The following TKT variants were observed in gnomAD, a reference collection of about 807,000 sequenced individuals.
TKT encodes epididymis luminal protein 107.
Under a neutral mutation model 63.9 loss-of-function variants are expected in TKT, and 47 were observed. The ratio of observed to expected loss-of-function variants is 0.74; its 90% CI spans 0.58 to 0.94. TKT has a LOEUF of 0.94. Ranked by LOEUF, TKT falls within the 40% of genes least tolerant of loss-of-function variation. TKT has a pLI of 0.00. For missense variants in TKT, 721 were observed against 846.2 expected (o/e 0.85, Z 1.84); for synonymous variants, 338 against 334.1 (o/e 1.01, Z -0.13).
intron 4 of TKT, among the ~76,000 whole-genome samples, chr3:53,238,872 A>G (rs1228305531): frequency 6.6e-6 from 1 of 152,234 alleles, no homozygotes; most frequent in African/African-American, 2.4e-5. Flanking sequence ...ACAGCACATG[A>G]GCACTGAGCA....
intron 12 of TKT, chr3:53,227,325 G>A (rs1242688741): frequency 7.9e-5 from 13 of 163,738 alleles, no homozygotes; most frequent in Admixed American, 7.0e-4. Flanking sequence ...ACAAACCCAC[G>A]CTTGCCAGGC....
chr3:53,241,796 G>A (rs886374161), intron 2 of TKT: 17 of 345,652 alleles, frequency 4.9e-5, no homozygotes, highest in East Asian at 1.3e-4. Flanking sequence ...AACCCAGACC[G>A]AGATGCCAGT....
intron 1 of TKT, among the ~76,000 whole-genome samples, chr3:53,242,538 A>G (rs79987882): frequency 0.15 from 22,816 of 152,038 alleles, 1,899 homozygotes; most frequent in Non-Finnish European, 0.19. Flanking sequence ...GACTTGAGTA[A>G]GAAGGAAGGA....
chr3:53,225,847 C>G lies in TKT; in HGVS notation c.1781G>C (p.Arg594Thr). The change falls in exon 14 of 14, where the codon AGA becomes ACA. Residue 594 changes from arginine to threonine, a missense_variant. Transcript: ENST00000462138. The part of the protein sequence containing the change: ...VTHLAVNRVP[R>T]SGKPAELLKM... ...CAGCAGCTCAGCCGGCTTCCCACTTCTTGGTACCCGGTTAACTGCCAGGTG... is the reference window on the plus strand; with the variant it reads ...CAGCAGCTCAGCCGGCTTCCCACTTGTTGGTACCCGGTTAACTGCCAGGTG... 1 of 1,614,134 alleles carries G rather than the reference C, an allele frequency of 6.2e-7. No individual in the cohort carries two copies. Among genetic ancestry groups the G allele is most frequent in the Non-Finnish European group, 8.5e-7 (1 of 1,180,002 alleles).
rs900697301 is a variant in TKT at position 53,228,305 on chromosome 3, T to G, written c.1450A>C (p.Asn484His). The G allele has an allele frequency of 1.2e-5, 20 of 1,614,138 alleles. No individual in the cohort carries two copies. Among genetic ancestry groups the G allele is most frequent in the Non-Finnish European group, 1.7e-5 (20 of 1,179,996 alleles). Residue 484 changes from asparagine to histidine, a missense_variant, in exon 11 of 14, where the codon AAT (asparagine) becomes CAT (histidine). Asn to His is a moderately conservative substitution (Grantham distance 68). Transcript: ENST00000462138. ...RPENAIIYNN[N>H]EDFQVGQAKV... ...GCTTGTCCGACCTGGAAGTCCTCAT[T>G]GTTGTTATAGATGATGGCATTTTCT...
At position 53,225,788 on chromosome 3, in the gene TKT, G is replaced by C. The variant is rs1704470535; in HGVS notation, c.1840C>G (p.Gln614Glu). Residue 614 changes from glutamine (Q) to glutamate (E), a missense_variant, in exon 14 of 14, where the codon CAA (glutamine) becomes GAA (glutamate). Transcript: ENST00000462138. Reference sequence around the variant, plus strand: ...TTGGTGATGAGGCCCCTCACAGCTTGTGCAATGGCATCCCTGTCGATACCA... The same window carrying C: ...TTGGTGATGAGGCCCCTCACAGCTTCTGCAATGGCATCCCTGTCGATACCA... ...MFGIDRDAIA[Q>E]AVRGLITKA 3 of 1,613,780 alleles carry C rather than the reference G, an allele frequency of 1.9e-6. No individual in the cohort carries two copies. In the South Asian group the frequency reaches 3.3e-5, roughly 18 times the overall value.
chr3:53,252,926 G>C (rs548798770), intron 1 of TKT, among the ~76,000 whole-genome samples: 3 of 151,762 alleles, frequency 2.0e-5, no homozygotes, highest in African/African-American at 7.3e-5. Flanking sequence ...CGCAACTTCT[G>C]CCTCCCGGGT....
At chr3:53,227,984 G>T in intron 12 of TKT, 72 bp downstream of exon 12, 1 of 1,337,550 alleles carries the variant, frequency 7.5e-7, no homozygotes, top group Non-Finnish European at 1.1e-6. Flanking sequence ...CAGAAAGAAC[G>T]AAAGAAAGAA....
chr3:53,253,454 A>C (rs1705843901), intron 1 of TKT, among the ~76,000 whole-genome samples: 1 of 152,024 alleles, frequency 6.6e-6, no homozygotes, highest in Admixed American at 6.6e-5. Context: ...CTACAGGTAC[A>C]CATCACCACA....
At chr3:53,245,616 C>T (rs1475416477) in intron 1 of TKT, among the ~76,000 whole-genome samples, 1 of 151,724 alleles carries the variant, frequency 6.6e-6, no homozygotes, top group Non-Finnish European at 1.5e-5. Flanking sequence ...GAAACCCCGT[C>T]TCTACTAAAA....
chr3:53,232,910 C>T (rs113857727), intron 6 of TKT: 3 of 497,998 alleles, frequency 6.0e-6, no homozygotes, highest in African/African-American at 4.0e-5. Context: ...CCCACAGACC[C>T]TCCAAGTCCC....
intron 1 of TKT, among the ~76,000 whole-genome samples, chr3:53,245,306 CAAAA>C (rs781814492): frequency 0.063 from 5,818 of 92,100 alleles, 138 homozygotes; most frequent in South Asian, 0.082. Flanking sequence ...CACTCCATCT[CAAAA>C]AAAAAAAAAA....
chr3:53,234,173 T>C (rs1160163380), intron 5 of TKT: 1 of 152,288 alleles, frequency 6.6e-6, no homozygotes, highest in African/African-American at 2.4e-5. Context: ...CCTCCCTTCC[T>C]CCTCTCCCTT....
intron 10 of TKT, 197 bp downstream of exon 10, chr3:53,228,810 G>GACAATGTCTGCCACGTGGCAGTAA: frequency 1.3e-6 from 1 of 754,832 alleles, no homozygotes. Context: ...GCAATCAGTT[G>GACAATGTCTGCCACGTGGCAGTAA]ACAATGTCTG....
chr3:53,250,408 G>A (rs1241774583), intron 1 of TKT, among the ~76,000 whole-genome samples: 2 of 152,200 alleles, frequency 1.3e-5, no homozygotes, highest in Non-Finnish European at 2.9e-5. Context: ...GCGGGCGGTG[G>A]GACCCCGGAG....
intron 1 of TKT, among the ~76,000 whole-genome samples, chr3:53,245,862 C>A (rs111762758): frequency 0.035 from 5,286 of 152,260 alleles, 292 homozygotes; most frequent in African/African-American, 0.12. Context: ...ATCTTTCAAG[C>A]ATTAAAAATA....
intron 1 of TKT, among the ~76,000 whole-genome samples, chr3:53,247,633 C>CAAAAAA (rs3075723): frequency 0.011 from 711 of 66,924 alleles, 33 homozygotes; most frequent in South Asian, 0.1. Context: ...GACTCCACCT[C>CAAAAAA]AAAAAAAAAA....
chr3:53,241,770 G>A (rs1233946739), intron 2 of TKT: 2 of 323,498 alleles, frequency 6.2e-6, no homozygotes, highest in Non-Finnish European at 1.2e-5. Flanking sequence ...CACAGATAGA[G>A]CAGGTAGGGA....
intron 5 of TKT, 177 bp downstream of exon 5, chr3:53,234,806 T>G: frequency 1.7e-6 from 1 of 588,074 alleles, no homozygotes; most frequent in Non-Finnish European, 2.7e-6. Flanking sequence ...CCACATATCC[T>G]GAGCCATTAA....
Sources: gnomAD v4.1 joint callset for allele counts (sites outside exome capture counted in the v4.1 genomes callset) on GRCh38, gnomAD v4.1.1 for gene constraint, MANE v1.5 for transcripts, NCBI Gene and HGNC (gene_info 2026-07-23, HGNC 2026-07-21) for gene names.